The following FILIP1L variants were observed in gnomAD, a reference collection of about 807,000 sequenced individuals.
FILIP1L encodes the protein filamin A-interacting protein 1-like.
FILIP1L carries 55 observed loss-of-function variants against 96.6 expected under a neutral mutation model. The ratio of observed to expected loss-of-function variants is 0.57; its 90% CI spans 0.46 to 0.71. The LOEUF is 0.71. FILIP1L is among the 30% of genes least tolerant of loss of function. The pLI, the probability that FILIP1L is intolerant of heterozygous loss-of-function variation, is 0.00. For synonymous variants in FILIP1L, 467 were observed against 473.9 expected, an observed-to-expected ratio of 0.99 and a Z score of 0.19; for missense variants, 1,304 against 1,321.2, an observed-to-expected ratio of 0.99 and a Z score of 0.20.
chr3:100,010,778 ATTTTTT>A (rs11371196), intron 1 of FILIP1L, among the ~76,000 whole-genome samples: 6 of 93,678 alleles, frequency 6.4e-5, no homozygotes, highest in African/African-American at 1.8e-4. Context: ...CCACGCCCGG[ATTTTTT>A]TTTTTTTTTT....
chr3:100,014,901 T>TTTTTTTTTTTTTTTTTTTTTC, intron 1 of FILIP1L, among the ~76,000 whole-genome samples: 1 of 141,912 alleles, frequency 7.0e-6, no homozygotes. Flanking sequence ...CTTTCTTTTT[T>TTTTTTTTTTTTTTTTTTTTTC]TTTTTTTTTT....
In FILIP1L at chr3:100,079,185, C is replaced by T. The variant is rs189531284; in HGVS notation, c.-11+34868G>A. 5.3e-5 allele frequency among the ~76,000 whole-genome samples: 8 copies of T among 152,302 alleles called. No homozygotes were observed. In the East Asian group the frequency reaches 1.2e-3, roughly 22 times the overall value. On this transcript the variant is annotated intron_variant, in intron 1 of 5. Coordinates refer to ENST00000477258, the MANE Select transcript of FILIP1L (RefSeq NM_001387850.1). ...TCTTTACAGCATGGTGACTGGCTTA[C>T]GAGAATGCAAAGGTGAGAGTCGCCA... is the stretch of plus-strand genomic sequence containing the variant.
At chr3:100,107,290 T>TC (rs2066411890) in intron 1 of FILIP1L, among the ~76,000 whole-genome samples, 1 of 152,150 alleles carries the variant, frequency 6.6e-6, no homozygotes, top group African/African-American at 2.4e-5. Context: ...GTTATTTAGG[T>TC]CATGATTGCA....
intron 1 of FILIP1L, among the ~76,000 whole-genome samples, chr3:99,988,886 A>G (rs1036522308): frequency 2.6e-5 from 4 of 152,136 alleles, no homozygotes; most frequent in African/African-American, 7.2e-5. Context: ...CTTGGTTTCT[A>G]TTAAAGCTTC....
At position 100,099,781 on chromosome 3, in the gene FILIP1L, C is replaced by T. The variant is rs368606743; in HGVS notation, c.-11+14272G>A. Among the ~76,000 whole-genome samples, 25 of 152,230 alleles carry T rather than the reference C, an allele frequency of 1.6e-4. No individual in the cohort carries two copies. The East Asian group carries it at 2.1e-3, about 13-fold the overall frequency. On this transcript the variant is annotated intron_variant, in intron 1 of 5. Transcript: ENST00000477258. Reference sequence around the variant, plus strand: ...ATGTTCTGTAGCAGTGGGAACCTAACAGGCCACCAAGGAGAGCCAGACATT... The same window carrying T: ...ATGTTCTGTAGCAGTGGGAACCTAATAGGCCACCAAGGAGAGCCAGACATT...
chr3:99,930,540 C>T (rs188370624), intron 2 of FILIP1L, among the ~76,000 whole-genome samples: 4 of 152,288 alleles, frequency 2.6e-5, no homozygotes, highest in Non-Finnish European at 4.4e-5. Flanking sequence ...GAGGATGTGA[C>T]CTTTCACGAC....
rs1400494515 is a variant in FILIP1L at position 99,850,214 on chromosome 3, C to T, written c.1462G>A (p.Glu488Lys). The change falls in exon 5 of 6, where the codon GAG becomes AAG. Residue 488 changes from glutamate (E) to lysine (K), a missense_variant. Coordinates refer to ENST00000477258, the MANE Select transcript of FILIP1L (RefSeq NM_001387850.1). ...AATGTTTTCAGTTTAGTTAAATCCTCTTTTAGAGTGAATTCTGTCTTTTCT... is the reference window on the plus strand; with the variant it reads ...AATGTTTTCAGTTTAGTTAAATCCTTTTTTAGAGTGAATTCTGTCTTTTCT... ...RLEKTEFTLKEDLTKLKTLTV... is the reference protein window; with the variant it reads ...RLEKTEFTLKKDLTKLKTLTV... 6.2e-7 allele frequency: 1 copy of T among 1,613,252 alleles called. No individual in the cohort carries two copies. Among genetic ancestry groups the T allele is most frequent in the Non-Finnish European group, 8.5e-7 (1 of 1,179,990 alleles).
At chr3:100,095,985 C>T (rs889743642) in intron 1 of FILIP1L, among the ~76,000 whole-genome samples, 8 of 152,016 alleles carry the variant, frequency 5.3e-5, no homozygotes, top group African/African-American at 1.4e-4. Flanking sequence ...ATTTCTCAAA[C>T]GAAGACATAC....
chr3:100,099,155 G>C (rs1330772713), intron 1 of FILIP1L, among the ~76,000 whole-genome samples: 2 of 152,202 alleles, frequency 1.3e-5, no homozygotes, highest in Non-Finnish European at 2.9e-5. Context: ...GAATTAATCA[G>C]AGAATACAAT....
intron 1 of FILIP1L, among the ~76,000 whole-genome samples, chr3:100,014,897 T>TTTTTTTTTTTTTTTTTTTTTTTTTC (rs1710290491): frequency 9.9e-6 from 1 of 101,060 alleles, no homozygotes; most frequent in Non-Finnish European, 2.2e-5. Context: ...CTTTCTTTCT[T>TTTTTTTTTTTTTTTTTTTTTTTTTC]TTTTTTTTTT....
At chr3:100,085,777 T>C (rs2065999721) in intron 1 of FILIP1L, among the ~76,000 whole-genome samples, 1 of 152,196 alleles carries the variant, frequency 6.6e-6, no homozygotes, top group Admixed American at 6.5e-5. Flanking sequence ...CCCTCCTAAG[T>C]GGCCAAATAA....
Position 100,114,494 on chromosome 3 carries a change from CTGTG to C in FILIP1L, c.-456_-453del, listed in dbSNP as rs374700618. On this transcript the variant is annotated 5_prime_UTR_variant, in exon 1 of 6. Transcript: ENST00000477258. ...GCAGGCACAGGCTCCGTGAGCACGT[CTGTG>C]TGTGTGTGTGTGTGTCTGTGTATGT... The C allele has an allele frequency of 4.6e-5, 7 of 153,738 alleles. No individual in the cohort carries two copies. The highest frequency in any genetic ancestry group is 8.6e-5 in the Non-Finnish European group (6 of 69,892). The allele number at this position is 153,738 out of a possible 1,614,324, so 9.5% of individuals were successfully genotyped here. A position where few individuals can be genotyped will look rare whatever the true frequency, so the allele number is the denominator to read the frequency against.
intron 4 of FILIP1L, among the ~76,000 whole-genome samples, chr3:99,902,501 A>G (rs971548839): frequency 1.3e-5 from 2 of 152,196 alleles, no homozygotes; most frequent in Admixed American, 1.3e-4. Context: ...ATCTTGATAT[A>G]TAAGGGTATC....
rs556536967 is a variant in FILIP1L at position 99,992,104 on chromosome 3, A to G, written c.-10-61074T>C. Among the ~76,000 whole-genome samples the G allele has an allele frequency of 4.0e-5, 6 of 151,374 alleles. No homozygotes were observed. The South Asian group carries it at 8.3e-4, about 21-fold the overall frequency. On this transcript the variant is annotated intron_variant, in intron 1 of 5. Coordinates refer to ENST00000477258, the MANE Select transcript of FILIP1L (RefSeq NM_001387850.1). The stretch of plus-strand genomic sequence containing the variant: ...CTTAGGTTAATTCTGTATCTTTGCT[A>G]TTGTGCATTGTGCTGTGATAAAAAT...
chr3:99,965,497 A>G (rs537269297), intron 1 of FILIP1L, among the ~76,000 whole-genome samples: 3 of 152,310 alleles, frequency 2.0e-5, no homozygotes, highest in Admixed American at 6.5e-5. Flanking sequence ...ATTTGTAGCT[A>G]TCTCTGAATT....
intron 1 of FILIP1L, among the ~76,000 whole-genome samples, chr3:99,938,086 C>T (rs961549986): frequency 1.4e-4 from 22 of 152,034 alleles, no homozygotes; most frequent in East Asian, 3.9e-4. Flanking sequence ...CGCGCGCGCG[C>T]GCGCGTGCAT....
rs1707218946 is a variant in FILIP1L, at chr3:99,924,315, C to A, written c.520G>T (p.Glu174Ter). 2 of 1,613,900 alleles carry A rather than the reference C, an allele frequency of 1.2e-6. No homozygotes were observed. The highest frequency in any genetic ancestry group is 1.7e-6 in the Non-Finnish European group (2 of 1,179,904). ...TGTTTTCTCTTTTCTTCCTCCAACTCCAATATGGTTTGCCTACGGGATTTT... is the reference window on the plus strand; with the variant it reads ...TGTTTTCTCTTTTCTTCCTCCAACTACAATATGGTTTGCCTACGGGATTTT... ...AEKSRRQTIL[E>*]LEEEKRKHKE... The change falls in exon 4 of 6, where the codon GAG (glutamate) becomes TAG (stop). Residue 174 changes from glutamate to a stop codon, truncating the protein, a stop_gained. Transcript: ENST00000477258. LOFTEE classifies it high-confidence loss of function.
At chr3:100,055,565 A>G (rs1333688066) in intron 1 of FILIP1L, among the ~76,000 whole-genome samples, 1 of 152,262 alleles carries the variant, frequency 6.6e-6, no homozygotes, top group Non-Finnish European at 1.5e-5. Flanking sequence ...TGTGGAAAAT[A>G]TACAAAGATG....
chr3:99,942,808 G>A (rs1056959683), intron 1 of FILIP1L, among the ~76,000 whole-genome samples: 1 of 151,442 alleles, frequency 6.6e-6, no homozygotes, highest in South Asian at 2.1e-4. Flanking sequence ...TAGCCTCGGC[G>A]ACAGAGTGTG....
Sources: allele counts gnomAD v4.1 joint callset (sites outside exome capture counted in the v4.1 genomes callset), GRCh38; gene constraint gnomAD v4.1.1; transcripts MANE v1.5; gene names NCBI Gene and HGNC (gene_info 2026-07-23, HGNC 2026-07-21).